CACNA2D3: variants seen among roughly 807,000 people sequenced by gnomAD.
The protein encoded by CACNA2D3 is voltage-dependent calcium channel subunit alpha-2/delta-3.
CACNA2D3 carries 60 observed loss-of-function variants against 160.6 expected under a neutral mutation model. That is an observed-to-expected ratio of 0.37 (90% CI 0.30 to 0.46). The LOEUF is 0.46. CACNA2D3 is among the 20% of genes least tolerant of loss of function. The pLI is 1.00. For synonymous variants in CACNA2D3, 558 were observed against 492.9 expected (o/e 1.13, Z -1.75); for missense variants, 1,205 against 1,365.0 (o/e 0.88, Z 1.85).
intron 4 of CACNA2D3, among the ~76,000 whole-genome samples, chr3:54,455,686 C>G (rs1316958897): frequency 7.2e-5 from 11 of 152,064 alleles, no homozygotes; most frequent in Admixed American, 7.2e-4. Context: ...ATGGTTTCTT[C>G]TACTCATTTC....
intron 5 of CACNA2D3, among the ~76,000 whole-genome samples, chr3:54,510,550 G>A (rs141487034): frequency 2.0e-5 from 3 of 152,266 alleles, no homozygotes; most frequent in South Asian, 4.1e-4. Flanking sequence ...CTGAAGCACT[G>A]TTCCTGTCCC....
chr3:54,241,391 A>C (rs1041274298), intron 2 of CACNA2D3, among the ~76,000 whole-genome samples: 1 of 152,170 alleles, frequency 6.6e-6, no homozygotes, highest in Non-Finnish European at 1.5e-5. Flanking sequence ...TATAGAAGAG[A>C]AAAGCCAGCA....
chr3:54,210,299 T>G (rs1701349789), intron 2 of CACNA2D3, among the ~76,000 whole-genome samples: 1 of 152,138 alleles, frequency 6.6e-6, no homozygotes, highest in Admixed American at 6.5e-5. Context: ...TGAGGTGACC[T>G]TCTTTTAAGA....
chr3:54,431,876 G>T (rs369914038), intron 4 of CACNA2D3, among the ~76,000 whole-genome samples: 4 of 152,150 alleles, frequency 2.6e-5, no homozygotes, highest in African/African-American at 9.7e-5. Context: ...CCAAAGTGCC[G>T]GGATTACAGG....
chr3:54,686,063 G>A (rs1032587468), intron 11 of CACNA2D3, among the ~76,000 whole-genome samples: 7 of 152,176 alleles, frequency 4.6e-5, no homozygotes, highest in South Asian at 2.1e-4. Context: ...TCTCATAGCA[G>A]GACTGTGTTA....
intron 11 of CACNA2D3, among the ~76,000 whole-genome samples, chr3:54,717,508 G>A (rs913000518): frequency 1.2e-4 from 18 of 152,070 alleles, no homozygotes; most frequent in Admixed American, 1.2e-3. Context: ...GTGTGTCTGT[G>A]TATGCGTGTG....
chr3:54,182,369 A>G (rs1700799862), intron 2 of CACNA2D3, among the ~76,000 whole-genome samples: 1 of 152,192 alleles, frequency 6.6e-6, no homozygotes, highest in Admixed American at 6.5e-5. Context: ...CCTTTATTGT[A>G]AGCATAAAGA....
At chr3:54,288,477 G>A (rs1367182723) in intron 2 of CACNA2D3, among the ~76,000 whole-genome samples, 1 of 152,146 alleles carries the variant, frequency 6.6e-6, no homozygotes, top group Non-Finnish European at 1.5e-5. Context: ...ATTCACAGCC[G>A]AATTCTACCA....
chr3:54,325,811 T>C (rs1704110609), intron 3 of CACNA2D3, among the ~76,000 whole-genome samples: 1 of 152,224 alleles, frequency 6.6e-6, no homozygotes, highest in African/African-American at 2.4e-5. Flanking sequence ...TTGGGTAAGA[T>C]ATTTAATAAA....
At chr3:54,663,241 G>A (rs1156351575) in intron 11 of CACNA2D3, among the ~76,000 whole-genome samples, 1 of 152,184 alleles carries the variant, frequency 6.6e-6, no homozygotes, top group Non-Finnish European at 1.5e-5. Context: ...GAACTGACTA[G>A]CCTCTCTCTA....
intron 2 of CACNA2D3, among the ~76,000 whole-genome samples, chr3:54,283,216 C>G (rs1295231165): frequency 2.0e-5 from 3 of 152,184 alleles, no homozygotes; most frequent in Non-Finnish European, 2.9e-5. Context: ...AGAAAAGATG[C>G]CAGTCCTGTT....
intron 2 of CACNA2D3, among the ~76,000 whole-genome samples, chr3:54,165,114 A>ATTTT (rs397961895): frequency 0.2 from 23,341 of 117,586 alleles, 2,985 homozygotes; most frequent in African/African-American, 0.21. Context: ...TCTGAATCTC[A>ATTTT]TTTTTTTTTT....
At chr3:54,378,294 C>T (rs1053783676) in intron 3 of CACNA2D3, among the ~76,000 whole-genome samples, 5 of 152,186 alleles carry the variant, frequency 3.3e-5, no homozygotes, top group Admixed American at 6.5e-5. Context: ...TCTTAAGGAG[C>T]GTGCAGCCTG....
chr3:54,346,124 T>C (rs997216205), intron 3 of CACNA2D3, among the ~76,000 whole-genome samples: 1 of 151,966 alleles, frequency 6.6e-6, no homozygotes, highest in Non-Finnish European at 1.5e-5. Context: ...TGCCTTGAAG[T>C]TGGGGTGTTG....
chr3:54,927,336 C>T (rs1293549974), intron 27 of CACNA2D3, among the ~76,000 whole-genome samples: 1 of 152,166 alleles, frequency 6.6e-6, no homozygotes, highest in Admixed American at 6.5e-5. Context: ...GTCCCCTTCC[C>T]CTTTCCAGAA....
At chr3:54,771,062 A>C (rs1702311711) in intron 13 of CACNA2D3, among the ~76,000 whole-genome samples, 1 of 152,032 alleles carries the variant, frequency 6.6e-6, no homozygotes, top group African/African-American at 2.4e-5. Context: ...TCCTTGGTTG[A>C]TGTGGTGGAT....
At chr3:54,970,678 C>T (rs1024882849) in intron 29 of CACNA2D3, among the ~76,000 whole-genome samples, 2 of 143,108 alleles carry the variant, frequency 1.4e-5, no homozygotes, top group African/African-American at 5.3e-5. Context: ...TTTAATCCTA[C>T]ACATGCGCAA....
At chr3:54,348,855 G>C (rs1047142454) in intron 3 of CACNA2D3, among the ~76,000 whole-genome samples, 8 of 152,138 alleles carry the variant, frequency 5.3e-5, no homozygotes, top group African/African-American at 1.9e-4. Context: ...TGTCTCCCCA[G>C]TAACTTGGAT....
At chr3:54,261,009 ATGAGAATGAGGGAATAGTC>A (rs1702391784) in intron 2 of CACNA2D3, among the ~76,000 whole-genome samples, 1 of 152,200 alleles carries the variant, frequency 6.6e-6, no homozygotes, top group African/African-American at 2.4e-5. Flanking sequence ...TGTAAACATC[ATGAGAATGAGGGAATAGTC>A]TGTTTTATTC....
Sources: allele counts gnomAD v4.1 joint callset (sites outside exome capture counted in the v4.1 genomes callset), GRCh38; gene constraint gnomAD v4.1.1; transcripts MANE v1.5; gene names NCBI Gene and HGNC (gene_info 2026-07-23, HGNC 2026-07-21).